The following SLC4A10 variants were observed in gnomAD, a reference collection of about 807,000 sequenced individuals.
The protein encoded by SLC4A10 is solute carrier family 4 member 10.
In SLC4A10, 42 loss-of-function variants were observed where a neutral mutation model predicts 137.7. The observed-to-expected ratio is 0.30, with a 90% CI of 0.24 to 0.39. The LOEUF is 0.39. Ranked by LOEUF, SLC4A10 falls within the 10% of genes least tolerant of loss-of-function variation. The probability of loss-of-function intolerance (pLI) is 1.00; values close to 1 mark genes in which losing one functional copy is unlikely to be tolerated. For missense variants in SLC4A10, 925 were observed against 1,355.0 expected (o/e 0.68, Z 4.98); for synonymous variants, 474 against 464.1 (o/e 1.02, Z -0.27).
intron 4 of SLC4A10, among the ~76,000 whole-genome samples, chr2:161,842,852 T>C (rs1362803271): frequency 6.6e-6 from 1 of 152,102 alleles, no homozygotes; most frequent in African/African-American, 2.4e-5. Flanking sequence ...TGCTCTTTTA[T>C]GATTTTGATA....
At chr2:161,815,611 C>T (rs2056982179) in intron 3 of SLC4A10, among the ~76,000 whole-genome samples, 1 of 152,080 alleles carries the variant, frequency 6.6e-6, no homozygotes, top group Non-Finnish European at 1.5e-5. Flanking sequence ...CTTATCAAAC[C>T]TTCTGGCACA....
chr2:161,869,172 T>A (rs1455779719), intron 6 of SLC4A10, among the ~76,000 whole-genome samples: 1 of 151,628 alleles, frequency 6.6e-6, no homozygotes, highest in Non-Finnish European at 1.5e-5. Context: ...ATTAGGAAAA[T>A]TTTTACTTCT....
intron 3 of SLC4A10, among the ~76,000 whole-genome samples, chr2:161,827,545 A>G (rs887253155): frequency 2.6e-5 from 4 of 151,568 alleles, no homozygotes; most frequent in Admixed American, 6.6e-5. Flanking sequence ...CTCTAATATA[A>G]TCATCAGTAA....
intron 1 of SLC4A10, among the ~76,000 whole-genome samples, chr2:161,737,558 C>A (rs2047473074): frequency 6.6e-6 from 1 of 151,584 alleles, no homozygotes; most frequent in Admixed American, 6.6e-5. Context: ...ATATTAAAAT[C>A]TTTTTAGAAG....
At chr2:161,914,889 G>T (rs1686746621) in intron 15 of SLC4A10, among the ~76,000 whole-genome samples, 1 of 152,064 alleles carries the variant, frequency 6.6e-6, no homozygotes, top group Non-Finnish European at 1.5e-5. Context: ...GAAATTCTAG[G>T]CAGACAGGGG....
rs1353711841 is a variant in SLC4A10, at chr2:161,965,036, T to A, written c.3037-15T>A. Reference sequence around the variant, plus strand: ...ATTTTTTTTCCACTTTAAACTAGTTTATTATTTACTTCAGGTGTTAGCCCT... The same window carrying A: ...ATTTTTTTTCCACTTTAAACTAGTTAATTATTTACTTCAGGTGTTAGCCCT... On this transcript the variant is annotated splice_polypyrimidine_tract_variant and intron_variant, in intron 22 of 26. Coordinates refer to ENST00000446997, the MANE Select transcript of SLC4A10 (RefSeq NM_001178015.2). 1.2e-6 allele frequency: 2 copies of A among 1,605,022 alleles called. No individual in the cohort carries two copies. Among genetic ancestry groups the A allele is most frequent in the Non-Finnish European group, 1.7e-6 (2 of 1,175,632 alleles).
At chr2:161,915,865 A>C (rs1687004429) in intron 15 of SLC4A10, among the ~76,000 whole-genome samples, 1 of 152,212 alleles carries the variant, frequency 6.6e-6, no homozygotes, top group Non-Finnish European at 1.5e-5. Flanking sequence ...TTTTGGTGTC[A>C]GTATAAGAGG....
intron 1 of SLC4A10, among the ~76,000 whole-genome samples, chr2:161,690,514 T>C (rs2041869566): frequency 1.3e-5 from 2 of 152,126 alleles, no homozygotes; most frequent in Non-Finnish European, 2.9e-5. Context: ...TACAGCACTA[T>C]TCACAATAGC....
intron 1 of SLC4A10, among the ~76,000 whole-genome samples, chr2:161,650,034 G>T (rs2105570428): frequency 6.6e-6 from 1 of 152,272 alleles, no homozygotes; most frequent in East Asian, 1.9e-4. Flanking sequence ...CTAAGCTATA[G>T]ATTACATTCA....
Position 161,883,012 on chromosome 2 carries a change from A to AAATCCC in SLC4A10, c.1194+570_1194+571insTCCCAA, listed in dbSNP as rs2061927009. On this transcript the variant is annotated intron_variant, in intron 10 of 26. Transcript: ENST00000446997. ...TTGTATGTAGATTTTTTGGGACTGGAAAAAGCTTTCATCAGCTCTTCAAAG... is the reference window on the plus strand; with the variant it reads ...TTGTATGTAGATTTTTTGGGACTGGAAATCCCAAAAGCTTTCATCAGCTCTTCAAAG... 3.3e-5 allele frequency among the ~76,000 whole-genome samples: 5 copies of AAATCCC among 152,206 alleles called. No individual in the cohort carries two copies. In the South Asian group the frequency reaches 1.0e-3, roughly 32 times the overall value.
At chr2:161,661,010 T>C (rs2038315167) in intron 1 of SLC4A10, among the ~76,000 whole-genome samples, 1 of 152,088 alleles carries the variant, frequency 6.6e-6, no homozygotes, top group African/African-American at 2.4e-5. Context: ...TTTGATTATA[T>C]GAATAAGATT....
intron 1 of SLC4A10, among the ~76,000 whole-genome samples, chr2:161,645,888 T>TC (rs1242184363): frequency 6.6e-6 from 1 of 152,022 alleles, no homozygotes; most frequent in African/African-American, 2.4e-5. Flanking sequence ...TTTACAAAAC[T>TC]CCTTTTTAAT....
At position 161,757,778 on chromosome 2, in the gene SLC4A10, T is replaced by G. The variant is rs1436092253; in HGVS notation, c.49-13195T>G. 3.3e-5 allele frequency among the ~76,000 whole-genome samples: 5 copies of G among 152,168 alleles called. No homozygotes were observed. The East Asian group carries it at 9.6e-4, about 29-fold the overall frequency. On this transcript the variant is annotated intron_variant, in intron 1 of 26. Transcript: ENST00000446997. ...AGCTACAATGCTAACTACAAATTAG[T>G]TTTAGCTGTTTCTATCATATGCTAA...
rs60742357 is a variant in SLC4A10, at chr2:161,716,931, T to G, written c.49-54042T>G. ...GATGTTGATTCTTCTTATCCATGAGTGTGGATTGTTTTTCGATTTGTTTGA... is the reference window on the plus strand; with the variant it reads ...GATGTTGATTCTTCTTATCCATGAGGGTGGATTGTTTTTCGATTTGTTTGA... On this transcript the variant is annotated intron_variant, in intron 1 of 26. Coordinates refer to ENST00000446997, the MANE Select transcript of SLC4A10 (RefSeq NM_001178015.2). 6.3e-3 allele frequency among the ~76,000 whole-genome samples: 954 copies of G among 152,164 alleles called. 7 individuals are homozygous for G. The highest frequency in any genetic ancestry group is 0.022 in the African/African-American group (906 of 41,522).
At chr2:161,670,222 G>T (rs1239294134) in intron 1 of SLC4A10, among the ~76,000 whole-genome samples, 1 of 151,312 alleles carries the variant, frequency 6.6e-6, no homozygotes, top group Non-Finnish European at 1.5e-5. Flanking sequence ...TTAAGTTGCT[G>T]CTACTCAAAG....
intron 1 of SLC4A10, among the ~76,000 whole-genome samples, chr2:161,675,521 T>C (rs1237675177): frequency 6.6e-6 from 1 of 152,184 alleles, no homozygotes; most frequent in Non-Finnish European, 1.5e-5. Context: ...AAAAATAAGA[T>C]GTAAAAGTAA....
At chr2:161,935,619 A>G (rs1484717954) in intron 15 of SLC4A10, among the ~76,000 whole-genome samples, 2 of 152,114 alleles carry the variant, frequency 1.3e-5, no homozygotes, top group South Asian at 2.1e-4. Context: ...ATTCCTAAGT[A>G]TTTGAAATTT....
chr2:161,949,912 G>A (rs1319174786), intron 18 of SLC4A10, among the ~76,000 whole-genome samples: 5 of 151,702 alleles, frequency 3.3e-5, no homozygotes, highest in Admixed American at 6.6e-5. Flanking sequence ...GTGGCATCAT[G>A]TGAGCGCTCA....
chr2:161,730,706 A>G (rs2046735500), intron 1 of SLC4A10, among the ~76,000 whole-genome samples: 1 of 152,216 alleles, frequency 6.6e-6, no homozygotes, highest in East Asian at 1.9e-4. Context: ...TACTTCCAGA[A>G]AGCATAAAAG....
Sources: allele counts gnomAD v4.1 joint callset (sites outside exome capture counted in the v4.1 genomes callset), GRCh38; gene constraint gnomAD v4.1.1; transcripts MANE v1.5; gene names NCBI Gene and HGNC (gene_info 2026-07-23, HGNC 2026-07-21).